The following PABPC4L variants were observed in gnomAD, a reference collection of about 807,000 sequenced individuals.
PABPC4L encodes the protein poly(A) binding protein cytoplasmic 4 like, also known as polyadenylate-binding protein 4-like.
For missense variants in PABPC4L, 452 were observed against 451.4 expected, an observed-to-expected ratio of 1.00 and a Z score of -0.01; for synonymous variants, 169 against 164.1, an observed-to-expected ratio of 1.03 and a Z score of -0.23.
At chr4:134,192,281 T>C (rs908169023), downstream of PABPC4L, among the ~76,000 whole-genome samples, 1 of 152,038 alleles carries the variant, frequency 6.6e-6, no homozygotes, top group African/African-American at 2.4e-5. Flanking sequence ...ATATATTATA[T>C]AATACTACTT....
chr4:134,050,265 T>C, the PABPC4L span, among the ~76,000 whole-genome samples: 1 of 152,186 alleles, frequency 6.6e-6, no homozygotes, highest in Non-Finnish European at 1.5e-5. Flanking sequence ...ATTTTTAATA[T>C]ACGTATTGAA....
chr4:134,197,577 T>C lies in PABPC4L; in HGVS notation c.*2330A>G, dbSNP rs1729702588. On this transcript the variant is annotated 3_prime_UTR_variant, in exon 2 of 2. Coordinates refer to ENST00000421491, the MANE Select transcript of PABPC4L (RefSeq NM_001114734.2). ...GGGGGAAAAGTCTAAAATGTAGTCA[T>C]AATATGCAAAGAAATCTAAAAATCC... is the stretch of plus-strand genomic sequence containing the variant. 1 of 151,688 alleles carries C rather than the reference T, an allele frequency of 6.6e-6. No homozygotes were observed. Among genetic ancestry groups the C allele is most frequent in the Admixed American group, 6.6e-5 (1 of 15,222 alleles). 9.4% of individuals were successfully genotyped at this position (151,688 alleles called of 1,614,324 possible).
At chr4:133,987,188 T>C in the PABPC4L span, among the ~76,000 whole-genome samples, 1 of 152,182 alleles carries the variant, frequency 6.6e-6, no homozygotes, top group Non-Finnish European at 1.5e-5. Context: ...ATGTCAATAC[T>C]GCTCATATCA....
the PABPC4L span, among the ~76,000 whole-genome samples, chr4:133,970,071 A>T: frequency 8.1e-6 from 1 of 123,402 alleles, no homozygotes; most frequent in Non-Finnish European, 1.8e-5. Flanking sequence ...TAAAATATTT[A>T]AAAAATATAT....
At chr4:133,976,880 G>T in the PABPC4L span, among the ~76,000 whole-genome samples, 2 of 152,170 alleles carry the variant, frequency 1.3e-5, no homozygotes, top group Non-Finnish European at 2.9e-5. Flanking sequence ...CAGATGGATA[G>T]ATTGCAAAAA....
the PABPC4L span, among the ~76,000 whole-genome samples, chr4:134,185,695 G>A: frequency 6.6e-6 from 1 of 152,026 alleles, no homozygotes; most frequent in Non-Finnish European, 1.5e-5. Flanking sequence ...AGGGCAATCA[G>A]GCAAGATAAA....
At chr4:133,968,543 G>A in the PABPC4L span, among the ~76,000 whole-genome samples, 3 of 152,088 alleles carry the variant, frequency 2.0e-5, no homozygotes, top group Admixed American at 6.5e-5. Context: ...ACTTGGAACT[G>A]GAGAAAGATT....
the PABPC4L span, among the ~76,000 whole-genome samples, chr4:134,052,788 A>T: frequency 6.6e-6 from 1 of 152,134 alleles, no homozygotes; most frequent in Non-Finnish European, 1.5e-5. Context: ...TAAGATTTGC[A>T]TTATATAATC....
At chr4:134,098,884 T>C in the PABPC4L span, among the ~76,000 whole-genome samples, 1 of 151,638 alleles carries the variant, frequency 6.6e-6, no homozygotes. Context: ...AGTCAAATAC[T>C]AATAGAGGTA....
the PABPC4L span, among the ~76,000 whole-genome samples, chr4:133,990,572 G>A: frequency 1.2e-4 from 19 of 152,116 alleles, no homozygotes; most frequent in African/African-American, 4.3e-4. Flanking sequence ...CTAGGGGACT[G>A]CACTGCTTAG....
At chr4:133,970,338 T>C in the PABPC4L span, among the ~76,000 whole-genome samples, 2 of 152,004 alleles carry the variant, frequency 1.3e-5, no homozygotes, top group African/African-American at 4.8e-5. Context: ...TCATGCTTGG[T>C]CTACTCCTCT....
chr4:133,995,037 G>C, the PABPC4L span, among the ~76,000 whole-genome samples: 1 of 152,142 alleles, frequency 6.6e-6, no homozygotes, highest in Non-Finnish European at 1.5e-5. Flanking sequence ...CTCTGAGAGA[G>C]AGGACTGTGA....
the PABPC4L span, among the ~76,000 whole-genome samples, chr4:133,980,049 T>C: frequency 4.6e-5 from 7 of 152,194 alleles, no homozygotes; most frequent in Admixed American, 1.3e-4. Context: ...ACTAGGTACA[T>C]GTTTTACTAC....
the PABPC4L span, among the ~76,000 whole-genome samples, chr4:134,013,003 C>T: frequency 1.3e-5 from 2 of 152,118 alleles, no homozygotes; most frequent in East Asian, 3.9e-4. Flanking sequence ...GGACACCTCT[C>T]TGATTATTCA....
chr4:134,069,455 T>C, the PABPC4L span, among the ~76,000 whole-genome samples: 1 of 152,188 alleles, frequency 6.6e-6, no homozygotes, highest in East Asian at 1.9e-4. Context: ...TTCAGGGACA[T>C]CAATGACACA....
Position 134,200,556 on chromosome 4 carries a change from T to C in PABPC4L, c.464A>G (p.Glu155Gly), listed in dbSNP as rs1578885605. Residue 155 changes from glutamate (E) to glycine (G), a missense_variant, in exon 2 of 2, where the codon GAG (glutamate) becomes GGG (glycine). Physicochemically the swap from Glu to Gly is moderately conservative, Grantham distance 98. Coordinates refer to ENST00000421491, the MANE Select transcript of PABPC4L (RefSeq NM_001114734.2). ...QNQSAADRAI[E>G]EMNGKLLKGC... ...CTTGAGTAGTTTTCCATTCATCTCC[T>C]CAATGGCCCTGTCTGCAGCACTCTG... 6.4e-7 allele frequency: 1 copy of C among 1,551,672 alleles called. No individual in the cohort carries two copies. The highest frequency in any genetic ancestry group is 2.4e-5 in the East Asian group (1 of 40,890).
the PABPC4L span, among the ~76,000 whole-genome samples, chr4:134,118,173 C>T: frequency 3.3e-5 from 5 of 151,786 alleles, no homozygotes; most frequent in Non-Finnish European, 5.9e-5. Context: ...TGCCAGTACC[C>T]ATGAGAGAGT....
chr4:134,131,555 CAAATGA>C, the PABPC4L span, among the ~76,000 whole-genome samples: 1 of 151,622 alleles, frequency 6.6e-6, no homozygotes, highest in Non-Finnish European at 1.5e-5. Context: ...ACAGCACAAA[CAAATGA>C]AACACATTCC....
chr4:133,953,865 A>G, the PABPC4L span, among the ~76,000 whole-genome samples: 1 of 152,190 alleles, frequency 6.6e-6, no homozygotes, highest in Non-Finnish European at 1.5e-5. Context: ...CAGCCCAACT[A>G]TAAAGATTAC....
Sources: gnomAD v4.1 joint callset for allele counts (sites outside exome capture counted in the v4.1 genomes callset) on GRCh38, gnomAD v4.1.1 for gene constraint, MANE v1.5 for transcripts, NCBI Gene and HGNC (gene_info 2026-07-23, HGNC 2026-07-21) for gene names.